The following MYH15 variants were observed in gnomAD, a reference collection of about 807,000 sequenced individuals.
MYH15 encodes myosin-15.
In MYH15, 227 loss-of-function variants were observed where a neutral mutation model predicts 240.5. The ratio of observed to expected loss-of-function variants is 0.94; its 90% CI spans 0.85 to 1.05. The LOEUF (loss-of-function observed/expected upper bound fraction) is 1.05. Ranked by LOEUF, MYH15 falls within the 50% of genes least tolerant of loss-of-function variation. MYH15 has a pLI of 0.00. For synonymous variants in MYH15, 785 were observed against 796.7 expected, an observed-to-expected ratio of 0.99 and a Z score of 0.25; for missense variants, 2,217 against 2,247.5, an observed-to-expected ratio of 0.99 and a Z score of 0.27.
intron 30 of MYH15, among the ~76,000 whole-genome samples, chr3:108,411,207 G>T (rs1376215389): frequency 2.6e-5 from 4 of 152,080 alleles, no homozygotes; most frequent in African/African-American, 9.7e-5. Flanking sequence ...ACAAATATTT[G>T]CTTATCCTAA....
intron 21 of MYH15, among the ~76,000 whole-genome samples, chr3:108,446,154 C>T (rs551751194): frequency 3.3e-5 from 5 of 152,140 alleles, no homozygotes; most frequent in Non-Finnish European, 7.4e-5. Context: ...CCCATGAACC[C>T]AGTCAACAAG....
At chr3:108,383,188 A>G (rs1195792043) in intron 40 of MYH15, among the ~76,000 whole-genome samples, 1 of 152,172 alleles carries the variant, frequency 6.6e-6, no homozygotes, top group Non-Finnish European at 1.5e-5. Context: ...TTGGACTCCA[A>G]ATTGATATGG....
At chr3:108,461,611 C>G (rs558044564) in intron 16 of MYH15, 1 of 152,218 alleles carries the variant, frequency 6.6e-6, no homozygotes, top group Non-Finnish European at 1.5e-5. Context: ...CTCTTATGAT[C>G]AGAGAATTAC....
the MYH15 span, among the ~76,000 whole-genome samples, chr3:108,539,331 G>A: frequency 6.6e-6 from 1 of 152,182 alleles, no homozygotes; most frequent in African/African-American, 2.4e-5. Context: ...GTTTGAGGAG[G>A]AGGGAATGAT....
chr3:108,495,532 A>G (rs1430939165), intron 7 of MYH15, among the ~76,000 whole-genome samples: 1 of 152,176 alleles, frequency 6.6e-6, no homozygotes, highest in African/African-American at 2.4e-5. Flanking sequence ...ATTTGAAACT[A>G]TTAAGATAAA....
In MYH15 at chr3:108,453,987, C is replaced by T. The variant is rs1294167827; in HGVS notation, c.2399+19G>A. On this transcript the variant is annotated intron_variant, in intron 21 of 40. Coordinates refer to ENST00000693548, the MANE Select transcript of MYH15 (RefSeq NM_014981.3). ...CACTATTACCCTAGCAGTTGGGGAG[C>T]AGGGTGGGCATATAATACCTTTCTT... is the stretch of plus-strand genomic sequence containing the variant. 1.2e-6 allele frequency: 2 copies of T among 1,604,056 alleles called. No homozygotes were observed. Among genetic ancestry groups the T allele is most frequent in the Middle Eastern group, 1.7e-4 (1 of 6,022 alleles).
At chr3:108,514,435 T>C (rs925377066), upstream of MYH15, among the ~76,000 whole-genome samples, 3 of 152,202 alleles carry the variant, frequency 2.0e-5, no homozygotes, top group African/African-American at 4.8e-5. Context: ...CCTTTTCAAA[T>C]ATACGTTTGA....
chr3:108,408,363 T>C lies in MYH15; in HGVS notation c.4537A>G (p.Lys1513Glu). The C allele has an allele frequency of 6.2e-7, 1 of 1,613,522 alleles. No individual in the cohort carries two copies. The highest frequency in any genetic ancestry group is 8.5e-7 in the Non-Finnish European group (1 of 1,179,832). ...NLTNQVREGT[K>E]NLTEMEKVKK... ...ACCTTTTCCATTTCAGTTAAGTTCT[T>C]GGTCCCTTCTCTAACCTGGTTTGTC... Residue 1513 changes from lysine (K) to glutamate (E), a missense_variant, in exon 32 of 41, where the codon AAG becomes GAG. By Grantham distance (56) the Lys-to-Glu change is moderately conservative. Transcript: ENST00000693548.
intron 38 of MYH15, among the ~76,000 whole-genome samples, chr3:108,385,059 A>ATT (rs1194259586): frequency 1.3e-5 from 2 of 152,172 alleles, no homozygotes; most frequent in Non-Finnish European, 1.5e-5. Flanking sequence ...AGCTCAACCA[A>ATT]GCTATATCTG....
At chr3:108,458,098 C>T (rs557130713) in intron 18 of MYH15, among the ~76,000 whole-genome samples, 1 of 152,104 alleles carries the variant, frequency 6.6e-6, no homozygotes. Context: ...AATCCTATGA[C>T]ACCTTAACAT....
intron 19 of MYH15, 58 bp downstream of exon 19, chr3:108,456,708 A>C: frequency 8.0e-7 from 1 of 1,256,842 alleles, no homozygotes; most frequent in South Asian, 1.2e-5. Flanking sequence ...ACACTCGGAA[A>C]GGGAGGAAAA....
intron 9 of MYH15, among the ~76,000 whole-genome samples, chr3:108,486,780 A>T (rs1240342746): frequency 6.6e-6 from 1 of 152,128 alleles, no homozygotes; most frequent in Non-Finnish European, 1.5e-5. Context: ...AGCAGTTTCA[A>T]TTGGTGTAAA....
chr3:108,533,785 G>A (rs530481477), upstream of MYH15, among the ~76,000 whole-genome samples: 6 of 152,278 alleles, frequency 3.9e-5, no homozygotes, highest in African/African-American at 7.2e-5. Context: ...ATTAAAAGAC[G>A]AAAGCCTAGG....
chr3:108,407,560 T>C (rs2082556044), intron 32 of MYH15, among the ~76,000 whole-genome samples: 1 of 152,178 alleles, frequency 6.6e-6, no homozygotes, highest in African/African-American at 2.4e-5. Flanking sequence ...CACCCAGAGA[T>C]ACAGCCAGAG....
chr3:108,420,361 T>C (rs2082672643), intron 28 of MYH15, among the ~76,000 whole-genome samples: 1 of 152,174 alleles, frequency 6.6e-6, no homozygotes, highest in African/African-American at 2.4e-5. Context: ...ACTTAATAAA[T>C]AGTATGAAAA....
chr3:108,485,311 C>G (rs754276068), intron 10 of MYH15, 82 bp from the exon 11 acceptor site: 24 of 1,512,230 alleles, frequency 1.6e-5, no homozygotes, highest in Non-Finnish European at 1.9e-5. Flanking sequence ...TGTTACACCT[C>G]GGGCTGTGGG....
chr3:108,396,209 C>T (rs1267432714), intron 35 of MYH15, among the ~76,000 whole-genome samples: 1 of 152,150 alleles, frequency 6.6e-6, no homozygotes, highest in Non-Finnish European at 1.5e-5. Context: ...CATATTGGAT[C>T]CCACTGGTGC....
chr3:108,460,000 A>T (rs544514633), intron 17 of MYH15, among the ~76,000 whole-genome samples: 1 of 152,296 alleles, frequency 6.6e-6, no homozygotes, highest in South Asian at 2.1e-4. Context: ...AAGTCTGGAG[A>T]GGAGGGCAAA....
rs753897625 is a variant in MYH15 at position 108,498,102 on chromosome 3, T to C, written c.568A>G (p.Ile190Val). The C allele has an allele frequency of 6.8e-6, 11 of 1,614,106 alleles. No individual in the cohort carries two copies. In the East Asian group the frequency reaches 2.5e-4, roughly 36 times the overall value. The change falls in exon 6 of 41, where the codon ATC (isoleucine) becomes GTC (valine). Residue 190 changes from isoleucine to valine, a missense_variant. By Grantham distance (29) the Ile-to-Val change is conservative. Transcript: ENST00000693548. Reference protein sequence around the residue: ...AGKTVNSKHIIQYFATIAAMI... With the variant: ...AGKTVNSKHIVQYFATIAAMI... ...GCTGCTATGGTGGCAAAATACTGGATAATATGTTTGCTGTTCACAGTCTTT... is the reference window on the plus strand; with the variant it reads ...GCTGCTATGGTGGCAAAATACTGGACAATATGTTTGCTGTTCACAGTCTTT...
Sources: allele counts gnomAD v4.1 joint callset (sites outside exome capture counted in the v4.1 genomes callset), GRCh38; gene constraint gnomAD v4.1.1; transcripts MANE v1.5; gene names NCBI Gene and HGNC (gene_info 2026-07-23, HGNC 2026-07-21).